RFX7: variants seen among roughly 807,000 people sequenced by gnomAD.
RFX7 encodes regulatory factor X7, also known as DNA-binding protein RFX7.
In RFX7, 26 loss-of-function variants were observed where a neutral mutation model predicts 111.8. The observed-to-expected ratio is 0.23, with a 90% CI of 0.17 to 0.32. RFX7 has a LOEUF of 0.32. Among genes scored for constraint, RFX7 ranks in the 10% least tolerant of loss-of-function variants. RFX7 has a pLI of 1.00. For missense variants in RFX7, 1,573 were observed against 1,772.9 expected (o/e 0.89, Z 2.02); for synonymous variants, 624 against 624.4 (o/e 1.00, Z 0.01).
intron 2 of RFX7, among the ~76,000 whole-genome samples, chr15:56,241,050 T>C (rs1473512038): frequency 6.6e-6 from 1 of 152,164 alleles, no homozygotes; most frequent in Non-Finnish European, 1.5e-5. Context: ...AAATTTTAAG[T>C]ATATAAAAAT....
At chr15:56,203,847 C>T (rs1220981647) in intron 2 of RFX7, among the ~76,000 whole-genome samples, 1 of 152,086 alleles carries the variant, frequency 6.6e-6, no homozygotes, top group African/African-American at 2.4e-5. Context: ...ATATAGGCAA[C>T]CAGCAGTCCT....
chr15:56,139,077 T>A (rs2042349260), intron 5 of RFX7, among the ~76,000 whole-genome samples: 1 of 151,980 alleles, frequency 6.6e-6, no homozygotes, highest in South Asian at 2.1e-4. Flanking sequence ...CTTTGGTGAA[T>A]CTGACAATTA....
intron 2 of RFX7, among the ~76,000 whole-genome samples, chr15:56,196,160 G>A (rs1261454753): frequency 6.6e-6 from 1 of 151,642 alleles, no homozygotes; most frequent in Non-Finnish European, 1.5e-5. Context: ...AAATATATAG[G>A]AAAGTTATAA....
At chr15:56,237,245 C>G (rs2043633563) in intron 2 of RFX7, among the ~76,000 whole-genome samples, 1 of 152,132 alleles carries the variant, frequency 6.6e-6, no homozygotes, top group South Asian at 2.1e-4. Context: ...TGACACTTGT[C>G]ACTTCTTTTC....
chr15:56,212,411 A>C (rs1465892961), intron 2 of RFX7, among the ~76,000 whole-genome samples: 1 of 152,172 alleles, frequency 6.6e-6, no homozygotes, highest in East Asian at 1.9e-4. Flanking sequence ...CCTACTCTTT[A>C]TGATACTTTA....
intron 3 of RFX7, among the ~76,000 whole-genome samples, chr15:56,171,031 G>A (rs151195761): frequency 2.0e-5 from 3 of 152,326 alleles, no homozygotes; most frequent in East Asian, 3.9e-4. Flanking sequence ...TATGATGATA[G>A]TGTGGAGAAC....
At position 56,095,041 on chromosome 15, in the gene RFX7, T is replaced by G. The variant is rs754429260; in HGVS notation, c.2687A>C (p.Gln896Pro). The G allele has an allele frequency of 2.5e-6, 4 of 1,613,882 alleles. No individual in the cohort carries two copies. In the Admixed American group the frequency reaches 5.0e-5, roughly 20 times the overall value. The change falls in exon 10 of 10, where the codon CAG becomes CCG. Residue 896 changes from glutamine to proline, a missense_variant. Physicochemically the swap from Gln to Pro is moderately conservative, Grantham distance 76. This residue lies in a region of RFX7 where 625 missense variants were observed against 632.2 expected (regional missense o/e 0.99). Transcript: ENST00000559447. ...ATGAGAATTGTTCATTGACATTTGCTGCTCCATAAGCACCAGCTCTTCCAC... is the reference window on the plus strand; with the variant it reads ...ATGAGAATTGTTCATTGACATTTGCGGCTCCATAAGCACCAGCTCTTCCAC... ...SIVEELVLME[Q>P]QMSMNNSHSY...
At position 56,243,553 on chromosome 15, in the gene RFX7, C is replaced by G; in HGVS notation, c.-111G>C. On this transcript the variant is annotated 5_prime_UTR_variant, in exon 1 of 10. Coordinates refer to ENST00000559447, the MANE Select transcript of RFX7 (RefSeq NM_022841.7). ...TCACCGCGGGAGAGGCATGGCGGCG[C>G]CCCTCAGCCCCCCGCTGGCGCCGCC... 1.0e-6 allele frequency: 1 copy of G among 973,230 alleles called. No homozygotes were observed. The highest frequency in any genetic ancestry group is 1.2e-6 in the Non-Finnish European group (1 of 819,566). The allele number at this position is 973,230 out of a possible 1,614,324, so 60.3% of individuals were successfully genotyped here.
At chr15:56,139,532 A>G (rs2042357829) in intron 5 of RFX7, among the ~76,000 whole-genome samples, 1 of 152,136 alleles carries the variant, frequency 6.6e-6, no homozygotes, top group Admixed American at 6.5e-5. Context: ...TGTTTTTCAA[A>G]GTTTTCAACT....
intron 5 of RFX7, among the ~76,000 whole-genome samples, chr15:56,113,448 A>G (rs2140945968): frequency 6.6e-6 from 1 of 152,306 alleles, no homozygotes; most frequent in East Asian, 1.9e-4. Context: ...GAGCTGAACA[A>G]TGAGAACACA....
At chr15:56,228,587 A>G (rs2043512034) in intron 2 of RFX7, among the ~76,000 whole-genome samples, 1 of 152,318 alleles carries the variant, frequency 6.6e-6, no homozygotes, top group South Asian at 2.1e-4. Flanking sequence ...AATTTTTTTC[A>G]TCAGTTCATT....
chr15:56,172,712 A>C (rs2042858552), intron 3 of RFX7, among the ~76,000 whole-genome samples: 1 of 152,256 alleles, frequency 6.6e-6, no homozygotes, highest in Non-Finnish European at 1.5e-5. Context: ...TACCGGCAGC[A>C]AGAAAAGAAG....
intron 5 of RFX7, among the ~76,000 whole-genome samples, chr15:56,114,764 A>G (rs1422312638): frequency 6.6e-6 from 1 of 152,060 alleles, no homozygotes; most frequent in Non-Finnish European, 1.5e-5. Context: ...CCTTTCCATC[A>G]TTTTGGCTAA....
At chr15:56,198,313 A>G (rs1464406595) in intron 2 of RFX7, among the ~76,000 whole-genome samples, 1 of 152,118 alleles carries the variant, frequency 6.6e-6, no homozygotes. Context: ...ACCTAGAATG[A>G]CTTTTGCCTC....
intron 3 of RFX7, among the ~76,000 whole-genome samples, chr15:56,169,217 C>T (rs761675313): frequency 1.3e-5 from 2 of 152,188 alleles, no homozygotes; most frequent in Non-Finnish European, 2.9e-5. Flanking sequence ...ACAGTAAGCA[C>T]CTTCCAGTTT....
At chr15:56,138,674 G>A (rs372310576) in intron 5 of RFX7, among the ~76,000 whole-genome samples, 41 of 152,232 alleles carry the variant, frequency 2.7e-4, no homozygotes, top group Middle Eastern at 3.4e-3. Context: ...TTAGCTGGTT[G>A]TTTTGCCCGT....
At chr15:56,097,937 G>C (rs1367033458) in intron 9 of RFX7, 144 bp downstream of exon 9, 9 of 655,842 alleles carry the variant, frequency 1.4e-5, no homozygotes, top group Non-Finnish European at 2.4e-5. Flanking sequence ...CTGAATAAAA[G>C]ACTGAAGGGG....
chr15:56,139,831 A>G (rs1452577615), intron 5 of RFX7, among the ~76,000 whole-genome samples: 3 of 152,118 alleles, frequency 2.0e-5, no homozygotes, highest in South Asian at 2.1e-4. Context: ...TTTTCCTTCT[A>G]ACAGACAGGA....
chr15:56,109,051 C>G (rs1328560676), intron 5 of RFX7, among the ~76,000 whole-genome samples: 1 of 151,368 alleles, frequency 6.6e-6, no homozygotes, highest in African/African-American at 2.4e-5. Context: ...CCCACTCCCT[C>G]TGCCTCTCCC....
Sources: allele counts gnomAD v4.1 joint callset (sites outside exome capture counted in the v4.1 genomes callset), GRCh38; gene constraint gnomAD v4.1.1; regional missense constraint gnomAD v4.1.1; transcripts MANE v1.5; gene names NCBI Gene and HGNC (gene_info 2026-07-23, HGNC 2026-07-21).